Variants in SLC9A9 observed in about 807,000 individuals in gnomAD.
SLC9A9 encodes the protein solute carrier family 9 member A9.
SLC9A9 carries 62 observed loss-of-function variants against 77.8 expected under a neutral mutation model. The observed-to-expected ratio is 0.80, with a 90% CI of 0.65 to 0.98. The LOEUF (loss-of-function observed/expected upper bound fraction) is 0.98, where lower values mean the gene tolerates loss of function less well. Ranked by LOEUF, SLC9A9 falls within the 50% of genes least tolerant of loss-of-function variation. The pLI, the probability that SLC9A9 is intolerant of heterozygous loss-of-function variation, is 0.00. For missense variants in SLC9A9, 775 were observed against 774.9 expected, an observed-to-expected ratio of 1.00 and a Z score of 0.00; for synonymous variants, 320 against 283.5, an observed-to-expected ratio of 1.13 and a Z score of -1.29.
intron 4 of SLC9A9, among the ~76,000 whole-genome samples, chr3:143,747,596 T>C (rs1576699181): frequency 6.6e-6 from 1 of 152,086 alleles, no homozygotes; most frequent in Admixed American, 6.5e-5. Flanking sequence ...AAGAGGGATT[T>C]AAGGATGTTG....
chr3:143,846,516 A>AT lies in SLC9A9; in HGVS notation c.175+1631dup, dbSNP rs571340847. ...GCTATTTCTCTCCCACCTGATTGTG[A>AT]TTTTTTTTTTCTCTTAAATGAGAGT... is the stretch of plus-strand genomic sequence containing the variant. On this transcript the variant is annotated intron_variant, in intron 1 of 15. Coordinates refer to ENST00000316549, the MANE Select transcript of SLC9A9 (RefSeq NM_173653.4). Among the ~76,000 whole-genome samples, 62 of 149,586 alleles carry AT rather than the reference A, an allele frequency of 4.1e-4. 1 individual carries two copies. The highest frequency in any genetic ancestry group is 6.4e-4 in the South Asian group (3 of 4,704).
At chr3:143,617,632 C>A (rs2038129189) in intron 6 of SLC9A9, among the ~76,000 whole-genome samples, 1 of 152,178 alleles carries the variant, frequency 6.6e-6, no homozygotes, top group South Asian at 2.1e-4. Context: ...CCCTTTTGGA[C>A]CTACTTTTCA....
chr3:143,699,084 A>T (rs771502781), intron 4 of SLC9A9, among the ~76,000 whole-genome samples: 1 of 152,212 alleles, frequency 6.6e-6, no homozygotes, highest in Non-Finnish European at 1.5e-5. Flanking sequence ...TTCAAGGGCA[A>T]TCCCTCTCAG....
intron 9 of SLC9A9, among the ~76,000 whole-genome samples, chr3:143,496,952 C>T (rs861418): frequency 0.41 from 62,497 of 151,866 alleles, 13,073 homozygotes; most frequent in Non-Finnish European, 0.44. Context: ...GCCATCTACT[C>T]GCTATGTCCT....
At position 143,803,786 on chromosome 3, in the gene SLC9A9, C is replaced by T. The variant is rs547508903; in HGVS notation, c.379-6883G>A. ...GGCTTTGCATTTCCCTTTCTTCCAG[C>T]GCCTACACAGCTGTCCCCGCCTTAC... On this transcript the variant is annotated intron_variant, in intron 2 of 15. Transcript: ENST00000316549. Among the ~76,000 whole-genome samples, 65 of 152,244 alleles carry T rather than the reference C, an allele frequency of 4.3e-4. No homozygotes were observed. In the South Asian group the frequency reaches 8.3e-3, roughly 19 times the overall value.
At chr3:143,537,302 C>T (rs934608978) in intron 9 of SLC9A9, among the ~76,000 whole-genome samples, 1 of 152,232 alleles carries the variant, frequency 6.6e-6, no homozygotes, top group Non-Finnish European at 1.5e-5. Context: ...CTAACATGCA[C>T]CCAGGATTGA....
intron 4 of SLC9A9, among the ~76,000 whole-genome samples, chr3:143,768,081 A>G (rs753857972): frequency 6.6e-6 from 1 of 151,828 alleles, no homozygotes; most frequent in Admixed American, 6.6e-5. Flanking sequence ...CTTTCTCACC[A>G]CTTTCTTTTC....
chr3:143,846,432 T>C (rs797012970), intron 1 of SLC9A9, among the ~76,000 whole-genome samples: 1 of 152,218 alleles, frequency 6.6e-6, no homozygotes, highest in Admixed American at 6.5e-5. Flanking sequence ...ATGATGGAGA[T>C]AGGCAAATGA....
chr3:143,838,023 G>C (rs576786563), intron 1 of SLC9A9, among the ~76,000 whole-genome samples: 1 of 133,618 alleles, frequency 7.5e-6, no homozygotes, highest in Non-Finnish European at 1.7e-5. Context: ...CTCTTCTCTG[G>C]ACTTCCAGTT....
intron 5 of SLC9A9, among the ~76,000 whole-genome samples, chr3:143,673,751 G>T (rs1298516539): frequency 8.6e-5 from 13 of 151,672 alleles, no homozygotes; most frequent in Non-Finnish European, 1.5e-5. Context: ...ATGTCTAGGG[G>T]GGCAGCATCT....
intron 14 of SLC9A9, among the ~76,000 whole-genome samples, chr3:143,357,928 C>T (rs1385705756): frequency 6.6e-6 from 1 of 151,976 alleles, no homozygotes; most frequent in Non-Finnish European, 1.5e-5. Context: ...ATGGAAATTG[C>T]TGTTCACAAT....
chr3:143,767,521 C>T (rs2007365239), intron 4 of SLC9A9, among the ~76,000 whole-genome samples: 1 of 151,968 alleles, frequency 6.6e-6, no homozygotes, highest in South Asian at 2.1e-4. Flanking sequence ...CTCTCTCTGG[C>T]CAGTGACTCA....
intron 9 of SLC9A9, among the ~76,000 whole-genome samples, chr3:143,532,604 T>C (rs995369257): frequency 6.6e-6 from 1 of 152,052 alleles, no homozygotes; most frequent in Non-Finnish European, 1.5e-5. Context: ...AACTCGAATA[T>C]AAAAAGGAAA....
chr3:143,279,473 C>T (rs7651840), intron 14 of SLC9A9, among the ~76,000 whole-genome samples: 57,849 of 152,012 alleles, frequency 0.38, 15,166 homozygotes, highest in African/African-American at 0.75. Flanking sequence ...AATGTGCAGG[C>T]TACATAGGTA....
intron 12 of SLC9A9, among the ~76,000 whole-genome samples, chr3:143,463,919 ATT>A (rs1274582825): frequency 6.6e-6 from 1 of 152,222 alleles, no homozygotes; most frequent in African/African-American, 2.4e-5. Flanking sequence ...TGCAATTCAT[ATT>A]AATACTATCA....
intron 14 of SLC9A9, among the ~76,000 whole-genome samples, chr3:143,354,140 G>C (rs1367761895): frequency 6.6e-6 from 1 of 152,112 alleles, no homozygotes; most frequent in Non-Finnish European, 1.5e-5. Flanking sequence ...ATCTATTCAT[G>C]CCACACTCAT....
intron 14 of SLC9A9, among the ~76,000 whole-genome samples, chr3:143,333,875 G>T (rs1381905759): frequency 6.6e-6 from 1 of 150,934 alleles, no homozygotes; most frequent in Non-Finnish European, 1.5e-5. Flanking sequence ...CTTTCCAGTT[G>T]TTTTTTGTGG....
intron 12 of SLC9A9, among the ~76,000 whole-genome samples, chr3:143,453,581 A>T (rs556673313): frequency 6.6e-6 from 1 of 152,320 alleles, no homozygotes; most frequent in South Asian, 2.1e-4. Flanking sequence ...TTATCTCAAC[A>T]TATTCTGAAA....
chr3:143,557,387 G>T (rs1352175500), intron 8 of SLC9A9, among the ~76,000 whole-genome samples: 1 of 152,158 alleles, frequency 6.6e-6, no homozygotes, highest in Non-Finnish European at 1.5e-5. Flanking sequence ...GTGGGGTGGG[G>T]TGTTTTTATA....
Sources: allele counts gnomAD v4.1 joint callset (sites outside exome capture counted in the v4.1 genomes callset), GRCh38; gene constraint gnomAD v4.1.1; transcripts MANE v1.5; gene names NCBI Gene and HGNC (gene_info 2026-07-23, HGNC 2026-07-21).